Variants in DHX30 observed in about 807,000 individuals in gnomAD.
The protein encoded by DHX30 is ATP-dependent RNA helicase DHX30.
A neutral mutation model predicts 116.9 loss-of-function variants in DHX30; 4 were observed. The observed-to-expected ratio is 0.03, with a 90% CI of 0.02 to 0.08. The LOEUF (loss-of-function observed/expected upper bound fraction) is 0.08, where lower values mean the gene tolerates loss of function less well. Ranked by LOEUF, DHX30 falls within the 10% of genes least tolerant of loss-of-function variation. DHX30 has a pLI of 1.00. For synonymous variants in DHX30, 697 were observed against 651.7 expected (o/e 1.07, Z -1.06); for missense variants, 871 against 1,595.1 (o/e 0.55, Z 7.73).
At position 47,816,426 on chromosome 3, in the gene DHX30, C is replaced by T. The variant is rs528492725; in HGVS notation, c.29-1596C>T. 4.1e-3 allele frequency: 4,037 copies of T among 978,826 alleles called. 8 individuals are homozygous for T. The highest frequency in any genetic ancestry group is 4.6e-3 in the Non-Finnish European group (3,796 of 827,848). 60.6% of individuals were successfully genotyped at this position (978,826 alleles called of 1,614,324 possible). A position where few individuals can be genotyped will look rare whatever the true frequency, so the allele number is the denominator to read the frequency against. On this transcript the variant is annotated intron_variant, in intron 3 of 21. Transcript: ENST00000445061. ...AGGCTGGAGTGCAATGGCGCGATCT[C>T]GGCTCACTGCATCCTCCGCCTCCCG...
chr3:47,842,251 CGTAAGGAGTTGGCCTGGGTAAACA>C (rs2037409800), intron 8 of DHX30: 1 of 154,580 alleles, frequency 6.5e-6, no homozygotes, highest in African/African-American at 2.4e-5. Flanking sequence ...AACCCCCTTT[CGTAAGGAGTTGGCCTGGGTAAACA>C]GATCCTCAGC....
chr3:47,849,751 G>C lies in DHX30; in HGVS notation c.3313G>C (p.Gly1105Arg). The change falls in exon 21 of 22, where the codon GGG (glycine) becomes CGG (arginine). Residue 1105 changes from glycine to arginine, a missense_variant. Transcript: ENST00000445061. ...HPLAVLLLTDGDVHIRDDGRR... is the reference protein window; with the variant it reads ...HPLAVLLLTDRDVHIRDDGRR... ...GCTAGCTGTGCTGCTGCTGACCGAC[G>C]GGGACGTGCACATCCGTGGTGGGTG... 1 of 1,613,520 alleles carries C rather than the reference G, an allele frequency of 6.2e-7. No homozygotes were observed. The highest frequency in any genetic ancestry group is 8.5e-7 in the Non-Finnish European group (1 of 1,179,740).
In DHX30 at chr3:47,848,852, A is replaced by C. The variant is rs1369721830; in HGVS notation, c.2769+35A>C. On this transcript the variant is annotated intron_variant, in intron 17 of 21. Coordinates refer to ENST00000445061, the MANE Select transcript of DHX30 (RefSeq NM_138615.3). This position sits in a 1 kb window ranked among gnomAD's most constrained non-coding sequence, Gnocchi z 9.4. ...GGCTCCTTCCTGGAGCCGTCCACCC[A>C]CTGCTGTTCTGAGGGGGCGTTGTCT... 1 of 1,600,476 alleles carries C rather than the reference A, an allele frequency of 6.2e-7. No homozygotes were observed.
At chr3:47,840,796 A>G in intron 6 of DHX30, 81 bp from the exon 7 acceptor site, 4 of 1,565,936 alleles carry the variant, frequency 2.6e-6, no homozygotes, top group Non-Finnish European at 3.5e-6. Context: ...AACACAACTT[A>G]ACGGTGTAGC....
chr3:47,816,780 G>A, intron 3 of DHX30: 1 of 985,374 alleles, frequency 1.0e-6, no homozygotes, highest in Non-Finnish European at 1.2e-6. Context: ...GAGGAGGGTT[G>A]GAGTGCAGGA....
intron 6 of DHX30, among the ~76,000 whole-genome samples, 161 bp downstream of exon 6, chr3:47,829,295 T>TATATAC (rs1335648268): frequency 5.4e-4 from 18 of 33,510 alleles, no homozygotes; most frequent in African/African-American, 1.6e-3. Context: ...GAGATATATA[T>TATATAC]ATATATATAT....
rs745676540 is a variant in DHX30, at chr3:47,848,812, G to A, written c.2764G>A (p.Asp922Asn). ...SSSLQNRAEV[D>N]KVKALLSHDS... ...CAGCCTACAGAACCGGGCAGAGGTGGACAAGGTCAGTCCTGGCTCCTTCCT... is the reference window on the plus strand; with the variant it reads ...CAGCCTACAGAACCGGGCAGAGGTGAACAAGGTCAGTCCTGGCTCCTTCCT... Residue 922 changes from aspartate to asparagine, a missense_variant, in exon 17 of 22, where the codon GAC (aspartate) becomes AAC (asparagine). Around this residue, in one of 13 missense-constraint regions of DHX30, gnomAD observed 238 missense variants for 481.0 expected, o/e 0.49. Coordinates refer to ENST00000445061, the MANE Select transcript of DHX30 (RefSeq NM_138615.3). The surrounding 1 kb of genome is among the most constrained non-coding windows in gnomAD (Gnocchi z 9.4). 6.2e-7 allele frequency: 1 copy of A among 1,611,012 alleles called. No individual in the cohort carries two copies. Among genetic ancestry groups the A allele is most frequent in the South Asian group, 1.1e-5 (1 of 91,036 alleles).
At chr3:47,829,312 ATATTTT>A (rs2036711845) in intron 6 of DHX30, among the ~76,000 whole-genome samples, 178 bp downstream of exon 6, 1 of 27,968 alleles carries the variant, frequency 3.6e-5, no homozygotes, top group African/African-American at 1.1e-4. Context: ...ATATATATAT[ATATTTT>A]TTTTTTTTTT....
Position 47,846,632 on chromosome 3 carries a change from G to T in DHX30, c.1560G>T (p.Arg520=). The stretch of plus-strand genomic sequence containing the variant: ...GCCGGAATGTGGGCTTCCAGGTGCG[G>T]TTGGAAAGTAAGCCCCCATCCCGAG... ...SLRRNVGFQV[R]LESKPPSRGG... is the part of the protein sequence containing the mutation. The change falls in exon 11 of 22, where the codon CGG becomes CGT. Residue 520 remains arginine (R), a synonymous_variant. Transcript: ENST00000445061. The T allele has an allele frequency of 6.2e-7, 1 of 1,614,080 alleles. No homozygotes were observed. The highest frequency in any genetic ancestry group is 1.6e-4 in the Middle Eastern group (1 of 6,062).
chr3:47,849,834 C>T (rs752686868), intron 21 of DHX30, 33 bp from the exon 22 acceptor site: 19 of 1,609,448 alleles, frequency 1.2e-5, no homozygotes, highest in Non-Finnish European at 1.6e-5. Flanking sequence ...CTGGCCTCAC[C>T]ACAGTTCCCC....
intron 1 of DHX30, 58 bp from the exon 2 acceptor site, chr3:47,805,265 TGGA>T (rs980464606): frequency 2.5e-6 from 1 of 398,678 alleles, no homozygotes; most frequent in Non-Finnish European, 4.4e-6. Context: ...AAATGATGGT[TGGA>T]GCAACTTTCT....
At chr3:47,846,048 C>T in intron 10 of DHX30, 117 bp from the exon 11 acceptor site, 1 of 1,406,848 alleles carries the variant, frequency 7.1e-7, no homozygotes, top group Middle Eastern at 2.0e-4. Context: ...CTAAATTAAT[C>T]CTCTGCCCAG....
intron 6 of DHX30, chr3:47,831,062 C>T (rs1346800570): frequency 6.6e-6 from 1 of 151,408 alleles, no homozygotes; most frequent in Non-Finnish European, 1.5e-5. Flanking sequence ...CATCTCTTTT[C>T]TCTGTTCCTG....
chr3:47,817,052 C>A, intron 3 of DHX30: 1 of 719,528 alleles, frequency 1.4e-6, no homozygotes. Flanking sequence ...CTCCTCTTTA[C>A]CAATTGTATA....
rs928775829 is a variant in DHX30, at chr3:47,846,150, C to T, written c.1093-15C>T. The T allele has an allele frequency of 2.5e-6, 4 of 1,594,900 alleles. No individual in the cohort carries two copies. The highest frequency in any genetic ancestry group is 3.4e-6 in the Non-Finnish European group (4 of 1,168,068). ...ATTTCTTTTTCATTGTTTTGCTTGC[C>T]TCCCTGCCCTCCAGTACCCTGTGGA... On this transcript the variant is annotated splice_polypyrimidine_tract_variant and intron_variant, in intron 10 of 21. Transcript: ENST00000445061.
rs1034910896 is a variant in DHX30, at chr3:47,847,594, A to C, written c.2110+58A>C. ...TGGAAACCAGCCTGACCTCTGTCCT[A>C]GGGACTGACCCAACTGGGACTCCAG... On this transcript the variant is annotated intron_variant, in intron 13 of 21. Transcript: ENST00000445061. The surrounding 1 kb of genome is among the most constrained non-coding windows in gnomAD (Gnocchi z 5.5). The C allele has an allele frequency of 1.7e-5, 25 of 1,502,622 alleles. No homozygotes were observed. Among genetic ancestry groups the C allele is most frequent in the Middle Eastern group, 4.0e-4 (2 of 5,004 alleles). The allele number at this position is 1,502,622 out of a possible 1,614,324, so 93.1% of individuals were successfully genotyped here. A position where few individuals can be genotyped will look rare whatever the true frequency, so the allele number is the denominator to read the frequency against.
chr3:47,819,051 C>A (rs2036179313), intron 4 of DHX30, among the ~76,000 whole-genome samples: 1 of 152,090 alleles, frequency 6.6e-6, no homozygotes, highest in Admixed American at 6.6e-5. Context: ...CTGCTGCGTC[C>A]CAGGCAGTTT....
chr3:47,840,596 A>C (rs983420555), intron 6 of DHX30, among the ~76,000 whole-genome samples: 1 of 151,966 alleles, frequency 6.6e-6, no homozygotes, highest in Non-Finnish European at 1.5e-5. Flanking sequence ...TGATTGTGCC[A>C]CTGCACTCCA....
At chr3:47,841,233 T>C in intron 7 of DHX30, 55 bp downstream of exon 7, 2 of 1,590,578 alleles carry the variant, frequency 1.3e-6, no homozygotes, top group Non-Finnish European at 1.7e-6. Flanking sequence ...GACACGGGGA[T>C]GGGCGAATGT....
Sources: gnomAD v4.1 joint callset for allele counts (sites outside exome capture counted in the v4.1 genomes callset) on GRCh38, gnomAD v4.1.1 for gene constraint, gnomAD v4.1.1 regional missense constraint, Gnocchi (gnomAD v3.1) non-coding constraint, MANE v1.5 for transcripts, NCBI Gene and HGNC (gene_info 2026-07-23, HGNC 2026-07-21) for gene names.